Variants in GSK3A observed in about 807,000 individuals in gnomAD.
GSK3A encodes the protein glycogen synthase kinase 3 alpha.
In GSK3A, 14 loss-of-function variants were observed where a neutral mutation model predicts 56.6. The ratio of observed to expected loss-of-function variants is 0.25; its 90% CI spans 0.16 to 0.39. The LOEUF is 0.39. Ranked by LOEUF, GSK3A falls within the 10% of genes least tolerant of loss-of-function variation. The pLI is 1.00. For missense variants in GSK3A, 450 were observed against 656.0 expected (o/e 0.69, Z 3.43); for synonymous variants, 301 against 285.0 (o/e 1.06, Z -0.56).
intron 4 of GSK3A, among the ~76,000 whole-genome samples, chr19:42,235,429 A>T (rs1221046635): frequency 6.6e-6 from 1 of 151,500 alleles, no homozygotes; most frequent in African/African-American, 2.4e-5. Context: ...TTTTCCTGCC[A>T]CTCTCCCTCC....
chr19:42,235,603 C>G (rs1321574477), intron 4 of GSK3A, among the ~76,000 whole-genome samples: 1 of 152,224 alleles, frequency 6.6e-6, no homozygotes, highest in African/African-American at 2.4e-5. Context: ...TTGCCCTGTG[C>G]TTGGTCTCCT....
chr19:42,241,467 T>C (rs2036291542), intron 1 of GSK3A: 1 of 152,214 alleles, frequency 6.6e-6, no homozygotes, highest in South Asian at 2.1e-4. Context: ...CATTCCATTT[T>C]TGTTAAAGGA....
intron 7 of GSK3A, 24 bp downstream of exon 7, chr19:42,233,262 G>GGCCCCCCCCCCCCCCC: frequency 1.9e-6 from 2 of 1,077,500 alleles, no homozygotes; most frequent in Non-Finnish European, 2.8e-6. Context: ...CCCACCCCCT[G>GGCCCCCCCCCCCCCCC]CCCAGCCCAG....
Position 42,242,358 on chromosome 19 carries a change from G to A in GSK3A, c.108C>T (p.Pro36=). 2 of 1,407,008 alleles carry A rather than the reference G, an allele frequency of 1.4e-6. No homozygotes were observed. The highest frequency in any genetic ancestry group is 9.2e-7 in the Non-Finnish European group (1 of 1,083,676). 87.2% of individuals were successfully genotyped at this position (1,407,008 alleles called of 1,614,324 possible). ...CGCCTGGGCCGGAGGCCGAGCCTCC[G>A]GGGCCGCCGCCGCCTCCTCCGCCTC... ...GGGGGGGGGG[P]GGSASGPGGT... The change falls in exon 1 of 11, where the codon CCC becomes CCT. Residue 36 remains proline (P), a synonymous_variant. Coordinates refer to ENST00000222330, the MANE Select transcript of GSK3A (RefSeq NM_019884.3).
At position 42,234,011 on chromosome 19, in the gene GSK3A, G is replaced by A. The variant is rs1229704869; in HGVS notation, c.904+342C>T. Reference sequence around the variant, plus strand: ...CAAGTTGCACCTTCATGGTGGCAAAGCCTTGCTTCCCGGTTCCCCCAAGGT... The same window carrying A: ...CAAGTTGCACCTTCATGGTGGCAAAACCTTGCTTCCCGGTTCCCCCAAGGT... On this transcript the variant is annotated intron_variant, in intron 6 of 10. Transcript: ENST00000222330. The surrounding 1 kb of genome is among the most constrained non-coding windows in gnomAD (Gnocchi z 5.7). 6.6e-6 allele frequency among the ~76,000 whole-genome samples: 1 copy of A among 152,156 alleles called. No homozygotes were observed. The highest frequency in any genetic ancestry group is 1.5e-5 in the Non-Finnish European group (1 of 68,038).
Position 42,242,282 on chromosome 19 carries a change from C to G in GSK3A, c.184G>C (p.Ala62Pro). 1.4e-6 allele frequency: 2 copies of G among 1,437,902 alleles called. No homozygotes were observed. The highest frequency in any genetic ancestry group is 1.8e-6 in the Non-Finnish European group (2 of 1,101,764). 89.1% of individuals were successfully genotyped at this position (1,437,902 alleles called of 1,614,324 possible). A position where few individuals can be genotyped will look rare whatever the true frequency, so the allele number is the denominator to read the frequency against. ...CCGGGTCCACCCCCGGAGCTCGAGG[C>G]CCCGACGCCCCCACCCATGGCCCCG... ...SVGAMGGGVG[A>P]SSSGGGPGGS... The change falls in exon 1 of 11, where the codon GCC (alanine) becomes CCC (proline). Residue 62 changes from alanine to proline, a missense_variant. This residue lies in a region of GSK3A where 193 missense variants were observed against 200.5 expected (regional missense o/e 0.96). Coordinates refer to ENST00000222330, the MANE Select transcript of GSK3A (RefSeq NM_019884.3).
At position 42,242,207 on chromosome 19, in the gene GSK3A, G is replaced by T; in HGVS notation, c.259C>A (p.Pro87Thr). 6.9e-7 allele frequency: 1 copy of T among 1,439,524 alleles called. No individual in the cohort carries two copies. Among genetic ancestry groups the T allele is most frequent in the South Asian group, 1.4e-5 (1 of 71,560 alleles). The allele number at this position is 1,439,524 out of a possible 1,614,324, so 89.2% of individuals were successfully genotyped here. A position where few individuals can be genotyped will look rare whatever the true frequency, so the allele number is the denominator to read the frequency against. ...CGGCCCAGCTTCACCCCGGGCGGCGGGAAGCTAGTGCCTGCGCCGGGGCCT... is the reference window on the plus strand; with the variant it reads ...CGGCCCAGCTTCACCCCGGGCGGCGTGAAGCTAGTGCCTGCGCCGGGGCCT... ...SGGPGAGTSF[P>T]PPGVKLGRDS... The change falls in exon 1 of 11, where the codon CCG becomes ACG. Residue 87 changes from proline to threonine, a missense_variant. Pro to Thr is a conservative substitution (Grantham distance 38, BLOSUM62 -1). This residue lies in a region of GSK3A where 193 missense variants were observed against 200.5 expected (regional missense o/e 0.96). Transcript: ENST00000222330.
At chr19:42,233,250 G>GCCCCCCCCCCCC in intron 7 of GSK3A, 36 bp downstream of exon 7, 2 of 1,565,002 alleles carry the variant, frequency 1.3e-6, no homozygotes, top group Admixed American at 1.7e-5. Flanking sequence ...CCATCCCTCA[G>GCCCCCCCCCCCC]CCCCACCCCC....
rs1024837079 is a variant in GSK3A at position 42,234,133 on chromosome 19, G to A, written c.904+220C>T. Among the ~76,000 whole-genome samples, 2 of 152,116 alleles carry A rather than the reference G, an allele frequency of 1.3e-5. No homozygotes were observed. The highest frequency in any genetic ancestry group is 2.4e-5 in the African/African-American group (1 of 41,398). On this transcript the variant is annotated intron_variant, in intron 6 of 10. Coordinates refer to ENST00000222330, the MANE Select transcript of GSK3A (RefSeq NM_019884.3). This position sits in a 1 kb window ranked among gnomAD's most constrained non-coding sequence, Gnocchi z 5.7. ...GAGTCAGGTCAGCTTTCAAATCCCA[G>A]TCCTGCCCAGTCCTAGTGGTGCCAG...
Position 42,230,848 on chromosome 19 carries a change from GGTCGGA to G in GSK3A, c.1392_1397del (p.Pro465_Thr466del), listed in dbSNP as rs1207327604. On this transcript the variant is annotated inframe_deletion, in exon 11 of 11. Coordinates refer to ENST00000222330, the MANE Select transcript of GSK3A (RefSeq NM_019884.3). ...CATCGGTCGACTGCCAGTCTGAGCT[GGTCGGA>G]GTCTCAGTTAAAGCTGGAGGGAGGC... 11 of 1,561,614 alleles carry G rather than the reference GGTCGGA, an allele frequency of 7.0e-6. No individual in the cohort carries two copies. Among genetic ancestry groups the G allele is most frequent in the Non-Finnish European group, 8.7e-6 (10 of 1,152,436 alleles).
Position 42,240,138 on chromosome 19 carries a change from G to A in GSK3A, c.288C>T (p.Asp96=), listed in dbSNP as rs2036282475. The A allele has an allele frequency of 6.2e-7, 1 of 1,614,016 alleles. No homozygotes were observed. The highest frequency in any genetic ancestry group is 1.1e-5 in the South Asian group (1 of 91,090). ...CTACGACTGTGGTCACCTTCCCGCT[G>A]TCACCTGGGGAACAAAGGGGATACA... ...FPPPGVKLGR[D]SGKVTTVVAT... The change falls in exon 2 of 11, where the codon GAC becomes GAT. Residue 96 remains aspartate, a synonymous_variant. Transcript: ENST00000222330.
At chr19:42,236,462 G>C (rs1439373636) in intron 4 of GSK3A, 144 bp downstream of exon 4, 3 of 655,046 alleles carry the variant, frequency 4.6e-6, no homozygotes, top group Non-Finnish European at 5.5e-6. Flanking sequence ...TCCATCTCGG[G>C]GGGTTATGGG....
chr19:42,232,112 G>T lies in GSK3A; in HGVS notation c.1323C>A (p.Ile441=). The change falls in exon 10 of 11, where the codon ATC becomes ATA. Residue 441 remains isoleucine, a synonymous_variant. Transcript: ENST00000222330. ...CCGCTGGGGACCTCAAGTGAGGAGG[G>T]ATGAGAATGGCGTTGAGAGACGGTT... ...SIQPSLNAIL[I]PPHLRSPAGT... 6.2e-7 allele frequency: 1 copy of T among 1,609,268 alleles called. No individual in the cohort carries two copies. Among genetic ancestry groups the T allele is most frequent in the Non-Finnish European group, 8.5e-7 (1 of 1,176,362 alleles).
chr19:42,233,221 G>C lies in GSK3A; in HGVS notation c.1003-16C>G, dbSNP rs768110568. On this transcript the variant is annotated splice_polypyrimidine_tract_variant and intron_variant, in intron 7 of 10. Transcript: ENST00000222330. ...TTCCCAGCACCTGTAAAGAGAGGGAGGGGTCTGAGACAAGGGCCCCATCCC... is the reference window on the plus strand; with the variant it reads ...TTCCCAGCACCTGTAAAGAGAGGGACGGGTCTGAGACAAGGGCCCCATCCC... 1 of 1,598,694 alleles carries C rather than the reference G, an allele frequency of 6.3e-7. No homozygotes were observed. The highest frequency in any genetic ancestry group is 1.3e-5 in the African/African-American group (1 of 74,706).
intron 8 of GSK3A, 59 bp from the exon 9 acceptor site, chr19:42,232,741 G>A (rs2036232372): frequency 1.5e-6 from 2 of 1,357,292 alleles, no homozygotes; most frequent in African/African-American, 1.5e-5. Flanking sequence ...GCATACTCCT[G>A]TTATCTCACT....
At chr19:42,236,560 C>T (rs762594162) in intron 4 of GSK3A, 46 bp downstream of exon 4, 1 of 1,185,756 alleles carries the variant, frequency 8.4e-7, no homozygotes, top group South Asian at 1.2e-5. Context: ...CTCCAGAGCC[C>T]CTGGCTTTGT....
In GSK3A at chr19:42,242,300, T is replaced by C. The variant is rs1164825193; in HGVS notation, c.166A>G (p.Met56Val). ...CTCGAGGCCCCGACGCCCCCACCCA[T>C]GGCCCCGACAGATGCCTTTCCGCCG... is the stretch of plus-strand genomic sequence containing the variant. Reference protein sequence around the residue: ...TGGGKASVGAMGGGVGASSSG... With the variant: ...TGGGKASVGAVGGGVGASSSG... Residue 56 changes from methionine (M) to valine (V), a missense_variant, in exon 1 of 11, where the codon ATG (methionine) becomes GTG (valine). By Grantham distance (21) the Met-to-Val change is conservative. Around this residue, in one of 3 missense-constraint regions of GSK3A, gnomAD observed 193 missense variants for 200.5 expected, o/e 0.96. Transcript: ENST00000222330. 10 of 1,438,404 alleles carry C rather than the reference T, an allele frequency of 7.0e-6. No homozygotes were observed. The highest frequency in any genetic ancestry group is 3.0e-5 in the East Asian group (1 of 32,804). 89.1% of individuals were successfully genotyped at this position (1,438,404 alleles called of 1,614,324 possible). A position where few individuals can be genotyped will look rare whatever the true frequency, so the allele number is the denominator to read the frequency against.
In GSK3A at chr19:42,242,225, C is replaced by G; in HGVS notation, c.241G>C (p.Gly81Arg). 1 of 1,442,686 alleles carries G rather than the reference C, an allele frequency of 6.9e-7. No individual in the cohort carries two copies. The highest frequency in any genetic ancestry group is 9.1e-7 in the Non-Finnish European group (1 of 1,102,620). The allele number at this position is 1,442,686 out of a possible 1,614,324, so 89.4% of individuals were successfully genotyped here. ...GGCGGCGGGAAGCTAGTGCCTGCGC[C>G]GGGGCCTCCGCTGCCTCCTCCGCCG... ...GSGGGGSGGP[G>R]AGTSFPPPGV... Residue 81 changes from glycine (G) to arginine (R), a missense_variant, in exon 1 of 11, where the codon GGC becomes CGC. Physicochemically the swap from Gly to Arg is moderately radical, Grantham distance 125. Around this residue, in one of 3 missense-constraint regions of GSK3A, gnomAD observed 193 missense variants for 200.5 expected, o/e 0.96. Transcript: ENST00000222330.
At chr19:42,235,405 C>T (rs865796238) in intron 4 of GSK3A, among the ~76,000 whole-genome samples, 2 of 152,290 alleles carry the variant, frequency 1.3e-5, no homozygotes, top group Middle Eastern at 3.4e-3. Context: ...GAGCCTGCCC[C>T]CTCTCCAGCT....
Sources: allele counts gnomAD v4.1 joint callset (sites outside exome capture counted in the v4.1 genomes callset), GRCh38; gene constraint gnomAD v4.1.1; regional missense constraint gnomAD v4.1.1; non-coding constraint Gnocchi (gnomAD v3.1); transcripts MANE v1.5; gene names NCBI Gene and HGNC (gene_info 2026-07-23, HGNC 2026-07-21).